BLVRB: variants seen among roughly 807,000 people sequenced by gnomAD.
The protein encoded by BLVRB is biliverdin reductase B, also known as flavin reductase (NADPH).
BLVRB carries 25 observed loss-of-function variants against 21.1 expected under a neutral mutation model. The observed-to-expected ratio is 1.19, with a 90% CI of 0.86 to 1.66. The LOEUF (loss-of-function observed/expected upper bound fraction) is 1.66. Among genes scored for constraint, BLVRB ranks in the 40% most tolerant of loss-of-function variants. The pLI, the probability that BLVRB is intolerant of heterozygous loss-of-function variation, is 0.00. For synonymous variants in BLVRB, 128 were observed against 122.2 expected (o/e 1.05, Z -0.31); for missense variants, 274 against 282.7 (o/e 0.97, Z 0.22).
chr19:40,457,027 T>G (rs1448105723), intron 3 of BLVRB, among the ~76,000 whole-genome samples: 1 of 151,944 alleles, frequency 6.6e-6, no homozygotes, highest in Non-Finnish European at 1.5e-5. Flanking sequence ...ATCAAAAAAT[T>G]AGCCAGGTGT....
intron 3 of BLVRB, among the ~76,000 whole-genome samples, chr19:40,455,668 G>A (rs62106986): frequency 0.16 from 25,017 of 152,138 alleles, 2,143 homozygotes; most frequent in African/African-American, 0.19. Flanking sequence ...ACTGTATTCC[G>A]GCCTGGGTGA....
chr19:40,463,015 A>T (rs758342961), intron 1 of BLVRB, among the ~76,000 whole-genome samples: 31 of 152,038 alleles, frequency 2.0e-4, no homozygotes, highest in Non-Finnish European at 4.0e-4. Flanking sequence ...AATACTTAAC[A>T]TGTGATACAT....
chr19:40,465,419 A>G (rs1002818170), intron 1 of BLVRB, among the ~76,000 whole-genome samples, 191 bp downstream of exon 1: 1 of 152,024 alleles, frequency 6.6e-6, no homozygotes, highest in Non-Finnish European at 1.5e-5. Context: ...TCTGGCTTGG[A>G]CTCACATAAA....
At chr19:40,455,581 C>A (rs2079758924) in intron 3 of BLVRB, among the ~76,000 whole-genome samples, 1 of 152,076 alleles carries the variant, frequency 6.6e-6, no homozygotes, top group Non-Finnish European at 1.5e-5. Flanking sequence ...ACCTGTAATC[C>A]CAGCTACTCA....
intron 3 of BLVRB, among the ~76,000 whole-genome samples, chr19:40,456,813 C>T (rs551862396): frequency 6.6e-6 from 1 of 151,948 alleles, no homozygotes; most frequent in East Asian, 2.0e-4. Context: ...CTGTGGGCCA[C>T]GATCTTGGTC....
intron 3 of BLVRB, among the ~76,000 whole-genome samples, chr19:40,456,559 G>A (rs2079763026): frequency 6.6e-6 from 1 of 152,030 alleles, no homozygotes; most frequent in Non-Finnish European, 1.5e-5. Flanking sequence ...TCTTTTTCAT[G>A]GAAGCAAAAC....
At chr19:40,461,027 A>C (rs528644908) in intron 1 of BLVRB, among the ~76,000 whole-genome samples, 3 of 152,048 alleles carry the variant, frequency 2.0e-5, no homozygotes, top group Non-Finnish European at 2.9e-5. Flanking sequence ...AACATAAAAA[A>C]CCAAAAAACC....
chr19:40,460,276 T>TATATATA (rs1479336698), intron 1 of BLVRB, among the ~76,000 whole-genome samples: 12 of 99,848 alleles, frequency 1.2e-4, no homozygotes, highest in South Asian at 6.6e-4. Flanking sequence ...ATATATATAT[T>TATATATA]TAGAGACAGG....
intron 3 of BLVRB, among the ~76,000 whole-genome samples, chr19:40,455,227 G>A (rs897676276): frequency 6.6e-6 from 1 of 152,146 alleles, no homozygotes; most frequent in Admixed American, 6.6e-5. Context: ...TAAACTCCAA[G>A]CTCCTTAGAT....
At chr19:40,456,359 G>A (rs923217459) in intron 3 of BLVRB, among the ~76,000 whole-genome samples, 1 of 151,696 alleles carries the variant, frequency 6.6e-6, no homozygotes, top group Admixed American at 6.6e-5. Context: ...GGGGTTCAAG[G>A]GTACAATGAG....
chr19:40,463,989 G>A (rs1434032902), intron 1 of BLVRB, among the ~76,000 whole-genome samples: 2 of 151,834 alleles, frequency 1.3e-5, no homozygotes, highest in Admixed American at 6.6e-5. Flanking sequence ...GGCTGGTCTC[G>A]AACTCCTGAC....
chr19:40,460,769 C>T (rs1412209654), intron 1 of BLVRB, among the ~76,000 whole-genome samples: 1 of 152,040 alleles, frequency 6.6e-6, no homozygotes, highest in Non-Finnish European at 1.5e-5. Flanking sequence ...AGTTGGAAGT[C>T]CAAGACCAGC....
chr19:40,448,608 A>AATATATATATAT (rs55783717), intron 4 of BLVRB, among the ~76,000 whole-genome samples: 143 of 126,348 alleles, frequency 1.1e-3, no homozygotes, highest in East Asian at 4.3e-3. Flanking sequence ...AACAACAACA[A>AATATATATATAT]ATATATATAT....
At chr19:40,460,906 A>G (rs2079784285) in intron 1 of BLVRB, among the ~76,000 whole-genome samples, 1 of 152,220 alleles carries the variant, frequency 6.6e-6, no homozygotes, top group South Asian at 2.1e-4. Flanking sequence ...CAGGAGGTAG[A>G]GATTGCAGTC....
At chr19:40,457,164 CAAAA>C (rs34827058) in intron 3 of BLVRB, among the ~76,000 whole-genome samples, 3 of 90,198 alleles carry the variant, frequency 3.3e-5, no homozygotes, top group African/African-American at 4.1e-5. Flanking sequence ...CAGAAAGTCT[CAAAA>C]AAAAAAAAAA....
In BLVRB at chr19:40,451,553, A is replaced by G. The variant is rs1174666092; in HGVS notation, c.335-61T>C. On this transcript the variant is annotated intron_variant, in intron 3 of 4. Coordinates refer to ENST00000263368, the MANE Select transcript of BLVRB (RefSeq NM_000713.3). ...TCTTGTCTTTTTTTTTTTTTTTTTG[A>G]GACAGAGTGTCGCTTTGTCACCCAG... 8 of 1,326,930 alleles carry G rather than the reference A, an allele frequency of 6.0e-6. No individual in the cohort carries two copies. The East Asian group carries it at 1.3e-4, about 22-fold the overall frequency. 82.2% of individuals were successfully genotyped at this position (1,326,930 alleles called of 1,614,324 possible).
intron 3 of BLVRB, among the ~76,000 whole-genome samples, chr19:40,455,500 GC>G (rs2079758527): frequency 6.6e-6 from 1 of 152,122 alleles, no homozygotes; most frequent in African/African-American, 2.4e-5. Flanking sequence ...AGACCAGCCT[GC>G]CCAATATGGT....
rs1223233988 is a variant in BLVRB at position 40,460,245 on chromosome 19, A to AATATATATATATATATATATATAT, written c.80-1701_80-1700insATATATATATATATATATATATAT. The stretch of plus-strand genomic sequence containing the variant: ...TAACATTTGGGTATACTGTAATAGC[A>AATATATATATATATATATATATAT]ACATATATATATATATATATATATA... On this transcript the variant is annotated intron_variant, in intron 1 of 4. Coordinates refer to ENST00000263368, the MANE Select transcript of BLVRB (RefSeq NM_000713.3). Among the ~76,000 whole-genome samples the AATATATATATATATATATATATAT allele has an allele frequency of 7.2e-3, 383 of 53,400 alleles. 20 individuals are homozygous for AATATATATATATATATATATATAT. Among genetic ancestry groups the AATATATATATATATATATATATAT allele is most frequent in the African/African-American group, 0.011 (116 of 10,406 alleles). 35.0% of individuals were successfully genotyped at this position (53,400 alleles called of 152,430 possible).
At chr19:40,450,842 GTATC>G (rs200198444) in intron 4 of BLVRB, among the ~76,000 whole-genome samples, 18,014 of 144,598 alleles carry the variant, frequency 0.12, 1,141 homozygotes, top group East Asian at 0.19. Context: ...CCTGGCCTAT[GTATC>G]TATCTATCTA....
Sources: allele counts gnomAD v4.1 joint callset (sites outside exome capture counted in the v4.1 genomes callset), GRCh38; gene constraint gnomAD v4.1.1; transcripts MANE v1.5; gene names NCBI Gene and HGNC (gene_info 2026-07-23, HGNC 2026-07-21).